SLC39A14: variants seen among roughly 807,000 people sequenced by gnomAD.
The protein encoded by SLC39A14 is metal cation symporter ZIP14.
A neutral mutation model predicts 45.5 loss-of-function variants in SLC39A14; 19 were observed. The ratio of observed to expected loss-of-function variants is 0.42; its 90% confidence interval spans 0.29 to 0.61. SLC39A14 has a LOEUF of 0.61. SLC39A14 is among the 20% of genes least tolerant of loss of function. SLC39A14 has a pLI of 0.22. For missense variants in SLC39A14, 447 were observed against 616.5 expected (o/e 0.73, Z 2.91); for synonymous variants, 264 against 251.3 (o/e 1.05, Z -0.48).
downstream of SLC39A14, among the ~76,000 whole-genome samples, chr8:22,424,502 C>T (rs758666793): frequency 5.3e-5 from 8 of 152,204 alleles, no homozygotes; most frequent in Non-Finnish European, 7.3e-5. Flanking sequence ...CTCACTACTA[C>T]GCCATTTGCT....
At chr8:22,377,587 GT>G (rs1249115844) in intron 1 of SLC39A14, among the ~76,000 whole-genome samples, 2 of 152,146 alleles carry the variant, frequency 1.3e-5, no homozygotes, top group African/African-American at 4.8e-5. Context: ...ACCTCAAAAA[GT>G]TCGTTTTATT....
chr8:22,410,063 C>G (rs769173388), intron 3 of SLC39A14: 3 of 1,614,178 alleles, frequency 1.9e-6, no homozygotes, highest in Non-Finnish European at 2.5e-6. Flanking sequence ...TACTTCATCG[C>G]CCTGTCCATT....
chr8:22,405,058 A>C (rs1178687024), intron 2 of SLC39A14, 78 bp downstream of exon 2: 8 of 1,432,230 alleles, frequency 5.6e-6, no homozygotes, highest in Non-Finnish European at 6.7e-6. Flanking sequence ...AGTTGGGCCC[A>C]GGGCAGCCTG....
At chr8:22,373,869 T>A (rs1833066288) in intron 1 of SLC39A14, among the ~76,000 whole-genome samples, 1 of 152,050 alleles carries the variant, frequency 6.6e-6, no homozygotes, top group South Asian at 2.1e-4. Context: ...AAGTGATTCT[T>A]CTGCCTCAGC....
intron 1 of SLC39A14, among the ~76,000 whole-genome samples, chr8:22,396,216 A>C (rs1457718075): frequency 6.6e-6 from 1 of 151,130 alleles, no homozygotes; most frequent in African/African-American, 2.4e-5. Context: ...AAAATACAAA[A>C]ATTAGCTGAG....
At chr8:22,414,028 C>T (rs1032675187) in intron 4 of SLC39A14, among the ~76,000 whole-genome samples, 2 of 152,108 alleles carry the variant, frequency 1.3e-5, no homozygotes, top group Non-Finnish European at 1.5e-5. Flanking sequence ...GATCCACCCA[C>T]CTCGGTCCTT....
intron 4 of SLC39A14, among the ~76,000 whole-genome samples, chr8:22,414,509 A>G (rs914293040): frequency 2.0e-5 from 3 of 152,200 alleles, no homozygotes; most frequent in African/African-American, 7.2e-5. Context: ...ACCATATCGG[A>G]GGTTTTTCTT....
chr8:22,423,792 C>T (rs1836332417), downstream of SLC39A14, among the ~76,000 whole-genome samples: 1 of 148,226 alleles, frequency 6.7e-6, no homozygotes, highest in Non-Finnish European at 1.5e-5. Context: ...TGGTTTCTCT[C>T]TCTCTCTCTC....
At chr8:22,402,679 G>A (rs995978128) in intron 1 of SLC39A14, among the ~76,000 whole-genome samples, 38 of 150,180 alleles carry the variant, frequency 2.5e-4, no homozygotes, top group African/African-American at 9.3e-4. Flanking sequence ...TGAGGCAGGA[G>A]AATTGCTTGA....
At chr8:22,403,872 C>T (rs1207418100) in intron 1 of SLC39A14, among the ~76,000 whole-genome samples, 4 of 151,496 alleles carry the variant, frequency 2.6e-5, no homozygotes, top group Admixed American at 1.3e-4. Flanking sequence ...GAGCCGAGAT[C>T]GTGCCACTGC....
intron 1 of SLC39A14, among the ~76,000 whole-genome samples, chr8:22,379,183 T>C (rs1833367390): frequency 6.6e-6 from 1 of 152,188 alleles, no homozygotes; most frequent in African/African-American, 2.4e-5. Context: ...CTTTCTCTTA[T>C]AAAGACATAG....
intron 1 of SLC39A14, among the ~76,000 whole-genome samples, chr8:22,387,399 G>C (rs189098708): frequency 6.6e-6 from 1 of 152,128 alleles, no homozygotes; most frequent in Non-Finnish European, 1.5e-5. Context: ...TGTGGCAATC[G>C]ATTGCTCCCT....
At chr8:22,411,983 C>A in intron 3 of SLC39A14, 54 bp from the exon 4 acceptor site, 1 of 1,494,740 alleles carries the variant, frequency 6.7e-7, no homozygotes, top group South Asian at 1.2e-5. Context: ...TGCAATGGGG[C>A]ATGTGCCTTC....
chr8:22,378,590 C>T (rs1222823035), intron 1 of SLC39A14, among the ~76,000 whole-genome samples: 1 of 152,244 alleles, frequency 6.6e-6, no homozygotes, highest in Non-Finnish European at 1.5e-5. Flanking sequence ...CTGTCTCCCA[C>T]ATTGAGTCCT....
intron 1 of SLC39A14, 74 bp from the exon 2 acceptor site, chr8:22,404,622 G>T: frequency 1.4e-6 from 2 of 1,410,508 alleles, no homozygotes; most frequent in Non-Finnish European, 2.0e-6. Context: ...TGTTCAGTGT[G>T]TGGCGGGCGG....
chr8:22,432,425 C>T (rs1586765238), intron 8 of SLC39A14, among the ~76,000 whole-genome samples: 1 of 151,788 alleles, frequency 6.6e-6, no homozygotes, highest in East Asian at 1.9e-4. Flanking sequence ...TGCTCCTTCC[C>T]TCCCTTCTCT....
At chr8:22,427,540 G>A (rs1836406855), downstream of SLC39A14, among the ~76,000 whole-genome samples, 1 of 151,630 alleles carries the variant, frequency 6.6e-6, no homozygotes. Flanking sequence ...TTGATCTTGA[G>A]TATCCTCCCA....
chr8:22,415,754 C>T lies in SLC39A14; in HGVS notation c.751-15C>T. 2 of 1,605,744 alleles carry T rather than the reference C, an allele frequency of 1.2e-6. No homozygotes were observed. The highest frequency in any genetic ancestry group is 2.2e-5 in the South Asian group (2 of 89,636). ...TGGTGAATGTCATGCTGATCCCTCC[C>T]TGTCACCCTTCCAGCATCATCATGG... is the stretch of plus-strand genomic sequence containing the variant. On this transcript the variant is annotated splice_polypyrimidine_tract_variant and intron_variant, in intron 5 of 8. Transcript: ENST00000381237.
chr8:22,379,932 A>G (rs1490627726), intron 1 of SLC39A14, among the ~76,000 whole-genome samples: 1 of 78,052 alleles, frequency 1.3e-5, no homozygotes, highest in African/African-American at 4.0e-5. Context: ...CATCTCAAAA[A>G]AAAAAAAAAA....
Sources: allele counts gnomAD v4.1 joint callset (sites outside exome capture counted in the v4.1 genomes callset), GRCh38; gene constraint gnomAD v4.1.1; transcripts MANE v1.5; gene names NCBI Gene and HGNC (gene_info 2026-07-23, HGNC 2026-07-21).